SATB2: variants seen among roughly 807,000 people sequenced by gnomAD.
SATB2 encodes the protein DNA-binding protein SATB2.
A neutral mutation model predicts 73.4 loss-of-function variants in SATB2; 1 was observed. The ratio of observed to expected loss-of-function variants is 0.01; its 90% CI spans 0.00 to 0.06. SATB2 has a LOEUF of 0.06. Ranked by LOEUF, SATB2 falls within the 10% of genes least tolerant of loss-of-function variation. The pLI is 1.00. For missense variants in SATB2, 459 were observed against 945.8 expected (o/e 0.49, Z 6.75); for synonymous variants, 397 against 367.0 (o/e 1.08, Z -0.93).
At chr2:199,449,991 A>G (rs1692076848) in intron 2 of SATB2, among the ~76,000 whole-genome samples, 1 of 152,072 alleles carries the variant, frequency 6.6e-6, no homozygotes, top group South Asian at 2.1e-4. Context: ...ACTCGAAACC[A>G]TTTTAGGTTA....
chr2:199,442,316 C>T (rs775205524), intron 2 of SATB2, among the ~76,000 whole-genome samples: 1 of 152,102 alleles, frequency 6.6e-6, no homozygotes, highest in Non-Finnish European at 1.5e-5. Flanking sequence ...CCATGTTGTC[C>T]AGGGGATGTT....
chr2:199,393,908 T>C (rs1690223258), intron 3 of SATB2, among the ~76,000 whole-genome samples: 2 of 152,206 alleles, frequency 1.3e-5, no homozygotes, highest in South Asian at 4.2e-4. Context: ...TATGGCTCAA[T>C]CAGGTTTTTT....
chr2:199,312,945 T>C (rs1269476268), intron 9 of SATB2, among the ~76,000 whole-genome samples: 1 of 152,104 alleles, frequency 6.6e-6, no homozygotes, highest in Non-Finnish European at 1.5e-5. Flanking sequence ...AGAAAAGACT[T>C]AAGAACCGTC....
In SATB2 at chr2:199,451,946, G is replaced by C. The variant is rs568366523; in HGVS notation, c.169+3923C>G. On this transcript the variant is annotated intron_variant, in intron 2 of 10. Transcript: ENST00000417098. ...TCTACTTCAGGTAGACTAGTTATAA[G>C]ATAACTTTAACAGACAGTATGCCAA... 3.9e-5 allele frequency among the ~76,000 whole-genome samples: 6 copies of C among 152,068 alleles called. No individual in the cohort carries two copies. The East Asian group carries it at 1.2e-3, about 29-fold the overall frequency.
rs1310955008 is a variant in SATB2, at chr2:199,269,664, C to T, written c.*2547G>A. Reference sequence around the variant, plus strand: ...TAATCCTTATTCACATTGTTGATACCGCAATAAAACACAATTTGTTTTTTT... The same window carrying T: ...TAATCCTTATTCACATTGTTGATACTGCAATAAAACACAATTTGTTTTTTT... On this transcript the variant is annotated 3_prime_UTR_variant, in exon 11 of 11. Coordinates refer to ENST00000417098, the MANE Select transcript of SATB2 (RefSeq NM_001172509.2). 8 of 143,216 alleles carry T rather than the reference C, an allele frequency of 5.6e-5. No individual in the cohort carries two copies. The highest frequency in any genetic ancestry group is 7.8e-5 in the African/African-American group (3 of 38,556). 8.9% of individuals were successfully genotyped at this position (143,216 alleles called of 1,614,324 possible).
chr2:199,382,300 A>AGCTCATGAAGCAGTTAGAGTTC (rs1449521940), intron 3 of SATB2, among the ~76,000 whole-genome samples: 21 of 152,298 alleles, frequency 1.4e-4, no homozygotes, highest in African/African-American at 5.1e-4. Context: ...CAGCATTTGG[A>AGCTCATGAAGCAGTTAGAGTTC]GCTCATGAAG....
chr2:199,456,178 G>A, intron 1 of SATB2, 82 bp from the exon 2 acceptor site: 1 of 833,120 alleles, frequency 1.2e-6, no homozygotes, highest in Non-Finnish European at 1.9e-6. Context: ...GTTCAGGCCA[G>A]TGGCAGAGCG....
At chr2:199,424,069 T>C (rs1691255113) in intron 3 of SATB2, among the ~76,000 whole-genome samples, 1 of 152,194 alleles carries the variant, frequency 6.6e-6, no homozygotes, top group Admixed American at 6.5e-5. Flanking sequence ...TCCTGAGTGA[T>C]ATTTCTTCAA....
At chr2:199,297,108 A>C (rs1687131113) in intron 10 of SATB2, among the ~76,000 whole-genome samples, 1 of 152,254 alleles carries the variant, frequency 6.6e-6, no homozygotes, top group East Asian at 1.9e-4. Flanking sequence ...TTTCTATTAT[A>C]TAAGAAAGAT....
chr2:199,285,656 C>T (rs144859206), intron 10 of SATB2, among the ~76,000 whole-genome samples: 2 of 150,014 alleles, frequency 1.3e-5, no homozygotes, highest in African/African-American at 2.5e-5. Flanking sequence ...TGACTCCAGG[C>T]GGATTTAATA....
At chr2:199,330,343 A>T (rs1203257895) in intron 7 of SATB2, among the ~76,000 whole-genome samples, 1 of 152,220 alleles carries the variant, frequency 6.6e-6, no homozygotes, top group Non-Finnish European at 1.5e-5. Context: ...ATTTTACTAC[A>T]AGAAACTTAC....
intron 3 of SATB2, among the ~76,000 whole-genome samples, chr2:199,387,171 A>G (rs1424992770): frequency 6.6e-6 from 1 of 152,200 alleles, no homozygotes; most frequent in Non-Finnish European, 1.5e-5. Context: ...ACATAAGTGG[A>G]TGAAAACCAG....
At chr2:199,412,809 C>T (rs1007506342) in intron 3 of SATB2, among the ~76,000 whole-genome samples, 3 of 152,118 alleles carry the variant, frequency 2.0e-5, no homozygotes, top group Non-Finnish European at 4.4e-5. Context: ...AACTGTGTAT[C>T]TTCACTTTGT....
intron 9 of SATB2, among the ~76,000 whole-genome samples, chr2:199,315,000 C>G (rs1037069211): frequency 6.6e-6 from 1 of 151,944 alleles, no homozygotes; most frequent in Non-Finnish European, 1.5e-5. Flanking sequence ...ACTTGTGTGG[C>G]TTGGTATTAA....
chr2:199,430,238 A>G (rs960756990), intron 3 of SATB2, among the ~76,000 whole-genome samples: 6 of 152,216 alleles, frequency 3.9e-5, no homozygotes. Flanking sequence ...TTAAGTTGGG[A>G]GAGTGGGGCA....
chr2:199,458,713 G>C (rs1412548386), upstream of SATB2: 1 of 439,976 alleles, frequency 2.3e-6, no homozygotes, highest in Non-Finnish European at 4.5e-6. Flanking sequence ...ACTGCGCGGA[G>C]TACTTTCGAC....
At chr2:199,316,880 A>G (rs1005252668) in intron 9 of SATB2, among the ~76,000 whole-genome samples, 1 of 152,114 alleles carries the variant, frequency 6.6e-6, no homozygotes, top group Non-Finnish European at 1.5e-5. Context: ...GGACTTCTTC[A>G]CTTCAACGGC....
At chr2:199,369,311 T>G (rs1339386215) in intron 5 of SATB2, among the ~76,000 whole-genome samples, 2 of 152,156 alleles carry the variant, frequency 1.3e-5, no homozygotes, top group African/African-American at 4.8e-5. Context: ...ACTTTCTGAG[T>G]GCTTAGGTGC....
chr2:199,436,120 C>T (rs1401525715), intron 2 of SATB2, among the ~76,000 whole-genome samples: 1 of 152,144 alleles, frequency 6.6e-6, no homozygotes, highest in Admixed American at 6.5e-5. Flanking sequence ...AATCCAATTG[C>T]TCCATAAGCT....
Sources: gnomAD v4.1 joint callset for allele counts (sites outside exome capture counted in the v4.1 genomes callset) on GRCh38, gnomAD v4.1.1 for gene constraint, MANE v1.5 for transcripts, NCBI Gene and HGNC (gene_info 2026-07-23, HGNC 2026-07-21) for gene names.